The following NEGR1 variants were observed in gnomAD, a reference collection of about 807,000 sequenced individuals.
NEGR1 encodes the protein neuronal growth regulator 1.
A neutral mutation model predicts 40.9 loss-of-function variants in NEGR1; 10 were observed. That is an observed-to-expected ratio of 0.24 (90% CI 0.15 to 0.42). The LOEUF is 0.42. Ranked by LOEUF, NEGR1 falls within the 10% of genes least tolerant of loss-of-function variation. NEGR1 has a pLI of 1.00. For missense variants in NEGR1, 352 were observed against 438.9 expected, an observed-to-expected ratio of 0.80 and a Z score of 1.77; for synonymous variants, 185 against 166.8, an observed-to-expected ratio of 1.11 and a Z score of -0.84.
intron 1 of NEGR1, among the ~76,000 whole-genome samples, chr1:72,159,277 C>T (rs1651470135): frequency 1.3e-5 from 2 of 152,106 alleles, no homozygotes; most frequent in Non-Finnish European, 2.9e-5. Flanking sequence ...TAACCTCTAT[C>T]CTCGTAAGTT....
intron 1 of NEGR1, among the ~76,000 whole-genome samples, chr1:72,087,016 A>G (rs1007816259): frequency 6.6e-6 from 1 of 152,196 alleles, no homozygotes; most frequent in African/African-American, 2.4e-5. Flanking sequence ...ATTTTACTTC[A>G]ACAATGTGCT....
chr1:72,153,478 A>G (rs1261249401), intron 1 of NEGR1, among the ~76,000 whole-genome samples: 3 of 151,966 alleles, frequency 2.0e-5, no homozygotes, highest in South Asian at 2.1e-4. Flanking sequence ...TATTATTATC[A>G]TATGTTTGAA....
intron 3 of NEGR1, among the ~76,000 whole-genome samples, chr1:71,754,373 C>A (rs1655664443): frequency 6.6e-6 from 1 of 152,140 alleles, no homozygotes; most frequent in Non-Finnish European, 1.5e-5. Flanking sequence ...CAGTGTTCTG[C>A]AATTGCTTAT....
chr1:71,928,452 A>T lies in NEGR1; in HGVS notation c.409+6627T>A, dbSNP rs1165810606. 1.4e-5 allele frequency among the ~76,000 whole-genome samples: 2 copies of T among 138,252 alleles called. 1 individual carries two copies. Among genetic ancestry groups the T allele is most frequent in the Non-Finnish European group, 3.1e-5 (2 of 64,470 alleles). The allele number at this position is 138,252 out of a possible 152,430, so 90.7% of individuals were successfully genotyped here. Reference sequence around the variant, plus strand: ...TGTATATATACACATATATATGTATATATACACACATACTTATATATACAC... The same window carrying T: ...TGTATATATACACATATATATGTATTTATACACACATACTTATATATACAC... On this transcript the variant is annotated intron_variant, in intron 2 of 6. Coordinates refer to ENST00000357731, the MANE Select transcript of NEGR1 (RefSeq NM_173808.3).
rs1010962886 is a variant in NEGR1 at position 71,778,717 on chromosome 1, T to C, written c.410-2420A>G. ...TGATTCAAGGTTAGACAGAGATATG[T>C]ATATGAAGAGAAATAATGAAATGCC... On this transcript the variant is annotated intron_variant, in intron 2 of 6. Coordinates refer to ENST00000357731, the MANE Select transcript of NEGR1 (RefSeq NM_173808.3). 7.0e-4 allele frequency among the ~76,000 whole-genome samples: 107 copies of C among 152,300 alleles called. 1 individual carries two copies. Among genetic ancestry groups the C allele is most frequent in the African/African-American group, 2.6e-3 (106 of 41,562 alleles).
At chr1:71,462,739 A>T (rs957301867) in intron 6 of NEGR1, among the ~76,000 whole-genome samples, 2 of 152,176 alleles carry the variant, frequency 1.3e-5, no homozygotes, top group African/African-American at 4.8e-5. Context: ...CAATCAGTCA[A>T]TCAAGTGATA....
intron 2 of NEGR1, among the ~76,000 whole-genome samples, chr1:71,846,212 C>A (rs939708866): frequency 6.6e-6 from 1 of 152,100 alleles, no homozygotes; most frequent in Non-Finnish European, 1.5e-5. Flanking sequence ...GTTTCCCCCC[C>A]AACCTAATAA....
chr1:71,881,060 T>G (rs531128369), intron 2 of NEGR1, among the ~76,000 whole-genome samples: 1 of 152,114 alleles, frequency 6.6e-6, no homozygotes, highest in Non-Finnish European at 1.5e-5. Flanking sequence ...TACCTTGGTA[T>G]CTCCCTCCCA....
At chr1:71,945,279 T>C (rs1278459844) in intron 1 of NEGR1, among the ~76,000 whole-genome samples, 1 of 152,144 alleles carries the variant, frequency 6.6e-6, no homozygotes, top group Admixed American at 6.6e-5. Flanking sequence ...TTAATTAGTT[T>C]GTTTAACTTG....
chr1:72,105,133 T>C (rs1649087547), intron 1 of NEGR1, among the ~76,000 whole-genome samples: 2 of 152,106 alleles, frequency 1.3e-5, no homozygotes, highest in Admixed American at 1.3e-4. Flanking sequence ...GACAATAAAT[T>C]CAATCTTTCC....
chr1:72,118,595 A>C (rs1649670759), intron 1 of NEGR1, among the ~76,000 whole-genome samples: 1 of 151,742 alleles, frequency 6.6e-6, no homozygotes, highest in Admixed American at 6.6e-5. Flanking sequence ...ATTGTTGTAC[A>C]TTGGTCATTC....
intron 1 of NEGR1, among the ~76,000 whole-genome samples, chr1:72,230,297 A>T (rs1654322304): frequency 6.6e-6 from 1 of 152,192 alleles, no homozygotes; most frequent in Non-Finnish European, 1.5e-5. Flanking sequence ...CTTTGGTCTA[A>T]TATAATAATT....
At chr1:71,461,910 GA>G (rs1646716975) in intron 6 of NEGR1, 1 of 152,132 alleles carries the variant, frequency 6.6e-6, no homozygotes, top group South Asian at 2.1e-4. Flanking sequence ...AGTCCATGAG[GA>G]AATGGGATCT....
At chr1:71,981,062 CT>C (rs1336179377) in intron 1 of NEGR1, among the ~76,000 whole-genome samples, 1 of 152,138 alleles carries the variant, frequency 6.6e-6, no homozygotes, top group Non-Finnish European at 1.5e-5. Flanking sequence ...AATATTTTAT[CT>C]GTAAGACATT....
chr1:71,642,129 C>A (rs973160864), intron 4 of NEGR1, among the ~76,000 whole-genome samples: 1 of 151,798 alleles, frequency 6.6e-6, no homozygotes, highest in African/African-American at 2.4e-5. Flanking sequence ...GTCAGGGGAG[C>A]GACACAGTGA....
intron 1 of NEGR1, among the ~76,000 whole-genome samples, chr1:71,994,446 T>C (rs1646484544): frequency 6.6e-6 from 1 of 151,732 alleles, no homozygotes; most frequent in African/African-American, 2.4e-5. Flanking sequence ...GAGAATGGCC[T>C]GAACCCGGGA....
intron 4 of NEGR1, among the ~76,000 whole-genome samples, chr1:71,686,537 T>A (rs1033047287): frequency 6.6e-6 from 1 of 152,042 alleles, no homozygotes; most frequent in African/African-American, 2.4e-5. Context: ...GCGTGGGAAG[T>A]TTTATAGGCC....
intron 3 of NEGR1, among the ~76,000 whole-genome samples, chr1:71,771,064 A>G (rs1054079616): frequency 2.6e-5 from 4 of 152,204 alleles, no homozygotes; most frequent in Non-Finnish European, 4.4e-5. Flanking sequence ...ATGCCCATCA[A>G]TGATAGACTG....
At chr1:72,266,086 A>C (rs1163414080) in intron 1 of NEGR1, among the ~76,000 whole-genome samples, 1 of 150,920 alleles carries the variant, frequency 6.6e-6, no homozygotes, top group Non-Finnish European at 1.5e-5. Flanking sequence ...ACATCATCAT[A>C]ATGTTATTGA....
Sources: gnomAD v4.1 joint callset for allele counts (sites outside exome capture counted in the v4.1 genomes callset) on GRCh38, gnomAD v4.1.1 for gene constraint, MANE v1.5 for transcripts, NCBI Gene and HGNC (gene_info 2026-07-23, HGNC 2026-07-21) for gene names.